GRID1: variants seen among roughly 807,000 people sequenced by gnomAD.
GRID1 encodes the protein glutamate receptor ionotropic, delta-1.
A neutral mutation model predicts 98.0 loss-of-function variants in GRID1; 28 were observed. The observed-to-expected ratio is 0.29, with a 90% confidence interval of 0.21 to 0.39. The LOEUF is 0.39. Among genes scored for constraint, GRID1 ranks in the 10% least tolerant of loss-of-function variants. The pLI, the probability that GRID1 is intolerant of heterozygous loss-of-function variation, is 1.00. For missense variants in GRID1, 1,111 were observed against 1,340.5 expected (o/e 0.83, Z 2.67); for synonymous variants, 553 against 538.5 (o/e 1.03, Z -0.37).
At chr10:85,755,485 G>A (rs1023915540) in intron 8 of GRID1, among the ~76,000 whole-genome samples, 1 of 152,182 alleles carries the variant, frequency 6.6e-6, no homozygotes, top group Non-Finnish European at 1.5e-5. Context: ...CTTCTGCAAC[G>A]TCACTTCTGC....
intron 13 of GRID1, among the ~76,000 whole-genome samples, chr10:85,631,013 A>C (rs1842970863): frequency 6.6e-6 from 1 of 152,234 alleles, no homozygotes; most frequent in Admixed American, 6.5e-5. Flanking sequence ...AACAAATTTT[A>C]AAGGAAAGTC....
chr10:86,092,024 C>A (rs935101632), intron 4 of GRID1, among the ~76,000 whole-genome samples: 1 of 152,112 alleles, frequency 6.6e-6, no homozygotes, highest in Non-Finnish European at 1.5e-5. Flanking sequence ...ACAGACTACC[C>A]AAATGAGAAG....
At chr10:85,661,770 C>A (rs138190891) in intron 12 of GRID1, among the ~76,000 whole-genome samples, 1 of 152,336 alleles carries the variant, frequency 6.6e-6, no homozygotes, top group South Asian at 2.1e-4. Context: ...AGGTAATGCA[C>A]AAAATTTAGC....
At chr10:86,055,786 G>T (rs10887552) in intron 4 of GRID1, among the ~76,000 whole-genome samples, 43,009 of 147,866 alleles carry the variant, frequency 0.29, 7,121 homozygotes, top group East Asian at 0.42. Context: ...GAGAAGAAAC[G>T]CCAGAACCAG....
chr10:85,792,020 T>C (rs985059684), intron 8 of GRID1, among the ~76,000 whole-genome samples: 3 of 152,018 alleles, frequency 2.0e-5, no homozygotes, highest in Non-Finnish European at 4.4e-5. Context: ...CAAAAGAGTG[T>C]CCTCACCTTA....
At chr10:86,008,419 C>A (rs1399914982) in intron 4 of GRID1, among the ~76,000 whole-genome samples, 1 of 151,876 alleles carries the variant, frequency 6.6e-6, no homozygotes, top group Non-Finnish European at 1.5e-5. Context: ...TTTACAATAT[C>A]CAAATTAATA....
intron 4 of GRID1, among the ~76,000 whole-genome samples, chr10:86,082,647 G>A (rs1843993534): frequency 6.6e-6 from 1 of 152,092 alleles, no homozygotes. Flanking sequence ...TTTCCCACAG[G>A]ATAAAGCACA....
At chr10:86,351,180 A>G (rs972884604) in intron 2 of GRID1, among the ~76,000 whole-genome samples, 3 of 152,234 alleles carry the variant, frequency 2.0e-5, no homozygotes, top group African/African-American at 7.2e-5. Context: ...GGCTTCTACA[A>G]TGAAAGGAGG....
chr10:85,716,186 G>A (rs1305769238), intron 12 of GRID1, among the ~76,000 whole-genome samples: 3 of 152,246 alleles, frequency 2.0e-5, no homozygotes, highest in Middle Eastern at 3.4e-3. Context: ...GATTACAGGC[G>A]TGAGACACTG....
chr10:85,740,865 C>T (rs1469718201), intron 8 of GRID1, among the ~76,000 whole-genome samples: 3 of 152,034 alleles, frequency 2.0e-5, no homozygotes, highest in Non-Finnish European at 2.9e-5. Context: ...AATTCTCCTG[C>T]CTCAGCCTCC....
At chr10:85,646,485 A>G (rs1367371344) in intron 13 of GRID1, 1 of 152,434 alleles carries the variant, frequency 6.6e-6, no homozygotes, top group Non-Finnish European at 1.5e-5. Flanking sequence ...CCAAGGAGTC[A>G]TGAGTCAGAG....
chr10:86,354,183 G>A (rs527903090), intron 2 of GRID1, among the ~76,000 whole-genome samples: 2 of 152,180 alleles, frequency 1.3e-5, no homozygotes, highest in Non-Finnish European at 2.9e-5. Flanking sequence ...TCCAGGCCAG[G>A]CCAGGACCCA....
intron 3 of GRID1, among the ~76,000 whole-genome samples, chr10:86,176,392 T>A (rs1196267737): frequency 6.6e-6 from 1 of 152,234 alleles, no homozygotes; most frequent in Non-Finnish European, 1.5e-5. Flanking sequence ...ATATTCATCA[T>A]GGCACGAGGT....
At chr10:86,166,392 A>G (rs1376072687) in intron 3 of GRID1, among the ~76,000 whole-genome samples, 1 of 152,244 alleles carries the variant, frequency 6.6e-6, no homozygotes, top group African/African-American at 2.4e-5. Flanking sequence ...AAAGGATATG[A>G]ACAGACACTT....
chr10:86,322,762 A>C (rs1187469851), intron 2 of GRID1, among the ~76,000 whole-genome samples: 1 of 150,692 alleles, frequency 6.6e-6, no homozygotes, highest in Non-Finnish European at 1.5e-5. Context: ...ATAAATAATA[A>C]AAATAAATAT....
chr10:86,251,193 A>G lies in GRID1; in HGVS notation c.236-44545T>C, dbSNP rs527266506. Among the ~76,000 whole-genome samples, 18 of 150,546 alleles carry G rather than the reference A, an allele frequency of 1.2e-4. No homozygotes were observed. In the South Asian group the frequency reaches 3.8e-3, roughly 32 times the overall value. On this transcript the variant is annotated intron_variant, in intron 2 of 15. Transcript: ENST00000327946. ...ACTCCCTAATCTCAACTACCCAGGG[A>G]CACAATCACTGCGGAAGGAAGGCGG...
chr10:85,777,241 C>T (rs79265385), intron 8 of GRID1, among the ~76,000 whole-genome samples: 5,023 of 152,262 alleles, frequency 0.033, 129 homozygotes, highest in Middle Eastern at 0.048. Context: ...AAGGCCAATG[C>T]TACAAAAACC....
chr10:86,073,362 G>C (rs1356723404), intron 4 of GRID1, among the ~76,000 whole-genome samples: 2 of 152,176 alleles, frequency 1.3e-5, no homozygotes, highest in Non-Finnish European at 2.9e-5. Context: ...TACACACTGG[G>C]GTAGGGTGAA....
intron 2 of GRID1, among the ~76,000 whole-genome samples, chr10:86,346,628 G>A (rs1848387141): frequency 6.6e-6 from 1 of 152,254 alleles, no homozygotes; most frequent in Admixed American, 6.5e-5. Context: ...CCAGGAGGCA[G>A]GAGCCAGGCC....
Sources: gnomAD v4.1 joint callset for allele counts (sites outside exome capture counted in the v4.1 genomes callset) on GRCh38, gnomAD v4.1.1 for gene constraint, MANE v1.5 for transcripts, NCBI Gene and HGNC (gene_info 2026-07-23, HGNC 2026-07-21) for gene names.